Variants in MAGI1 observed in about 807,000 individuals in gnomAD.
MAGI1 encodes membrane-associated guanylate kinase, WW and PDZ domain-containing protein 1.
A neutral mutation model predicts 139.9 loss-of-function variants in MAGI1; 58 were observed. The ratio of observed to expected loss-of-function variants is 0.41; its 90% confidence interval spans 0.34 to 0.52. The LOEUF (loss-of-function observed/expected upper bound fraction) is 0.52, where lower values mean the gene tolerates loss of function less well. MAGI1 is among the 20% of genes least tolerant of loss of function. MAGI1 has a pLI of 0.12. For synonymous variants in MAGI1, 812 were observed against 737.9 expected (o/e 1.10, Z -1.63); for missense variants, 1,874 against 1,901.6 (o/e 0.99, Z 0.27).
At chr3:65,475,309 G>T (rs774993967) in intron 4 of MAGI1, among the ~76,000 whole-genome samples, 1 of 152,090 alleles carries the variant, frequency 6.6e-6, no homozygotes, top group Non-Finnish European at 1.5e-5. Flanking sequence ...TGCCTCCGGG[G>T]TTCAAGTGAT....
At chr3:65,644,928 C>T (rs35893278) in intron 1 of MAGI1, among the ~76,000 whole-genome samples, 1,650 of 149,278 alleles carry the variant, frequency 0.011, 8 homozygotes, top group Non-Finnish European at 0.018. Flanking sequence ...ACCTGGGAAG[C>T]GGAGGTTGCA....
In MAGI1 at chr3:65,416,615, T is replaced by C. The variant is rs558480230; in HGVS notation, c.2167+12905A>G. On this transcript the variant is annotated intron_variant, in intron 12 of 22. Transcript: ENST00000402939. Reference sequence around the variant, plus strand: ...TGAATGAATGAATGAATGACACTTATTGCATATGGTGAGGAACCAAAAATG... The same window carrying C: ...TGAATGAATGAATGAATGACACTTACTGCATATGGTGAGGAACCAAAAATG... Among the ~76,000 whole-genome samples, 214 of 152,288 alleles carry C rather than the reference T, an allele frequency of 1.4e-3. 11 individuals carry two copies. The South Asian group carries it at 0.043, about 30-fold the overall frequency.
chr3:65,896,012 T>C (rs1213906393), intron 1 of MAGI1, among the ~76,000 whole-genome samples: 4 of 152,126 alleles, frequency 2.6e-5, no homozygotes, highest in South Asian at 2.1e-4. Context: ...CCCACTACCA[T>C]TGCATCTCTG....
chr3:65,456,093 T>C (rs1279915579), intron 5 of MAGI1, among the ~76,000 whole-genome samples: 1 of 152,258 alleles, frequency 6.6e-6, no homozygotes, highest in African/African-American at 2.4e-5. Context: ...TCTTAGGAAC[T>C]GTTTTCTAGA....
At chr3:65,704,953 C>T (rs994570964) in intron 1 of MAGI1, among the ~76,000 whole-genome samples, 6 of 151,988 alleles carry the variant, frequency 3.9e-5, no homozygotes, top group Admixed American at 1.3e-4. Context: ...CAGACTCCTC[C>T]GCGGTTTCCT....
At chr3:65,369,215 A>G (rs2106788010) in intron 18 of MAGI1, among the ~76,000 whole-genome samples, 1 of 152,254 alleles carries the variant, frequency 6.6e-6, no homozygotes, top group Admixed American at 6.5e-5. Context: ...GGCTGTGAAA[A>G]CACTCCTGCC....
intron 1 of MAGI1, among the ~76,000 whole-genome samples, chr3:65,674,973 A>G (rs937766667): frequency 6.6e-6 from 1 of 152,134 alleles, no homozygotes; most frequent in African/African-American, 2.4e-5. Flanking sequence ...CAGACAGGAG[A>G]GAGGGCTCCA....
Position 65,477,379 on chromosome 3 carries a change from G to A in MAGI1, c.757+1213C>T, listed in dbSNP as rs1018292095. Among the ~76,000 whole-genome samples the A allele has an allele frequency of 2.0e-5, 3 of 152,270 alleles. No individual in the cohort carries two copies. In the South Asian group the frequency reaches 6.2e-4, roughly 32 times the overall value. On this transcript the variant is annotated intron_variant, in intron 4 of 22. Coordinates refer to ENST00000402939, the MANE Select transcript of MAGI1 (RefSeq NM_001033057.2). ...AGTCCACTCATCTCCACCTTCATTG[G>A]AGCTGATGCTAATCAAACAATGACC...
At chr3:65,591,128 G>A (rs1245253702) in intron 2 of MAGI1, among the ~76,000 whole-genome samples, 1 of 152,082 alleles carries the variant, frequency 6.6e-6, no homozygotes, top group Non-Finnish European at 1.5e-5. Flanking sequence ...TCATGGTACA[G>A]CAAAATTTTC....
At chr3:65,793,665 A>C (rs1053794608) in intron 1 of MAGI1, among the ~76,000 whole-genome samples, 1 of 152,216 alleles carries the variant, frequency 6.6e-6, no homozygotes, top group Non-Finnish European at 1.5e-5. Flanking sequence ...AAATGCCTGC[A>C]ACTGCTGGCC....
At chr3:65,532,756 G>C (rs2078772139) in intron 2 of MAGI1, 1 of 152,152 alleles carries the variant, frequency 6.6e-6, no homozygotes, top group Non-Finnish European at 1.5e-5. Flanking sequence ...ACTTACCTTG[G>C]AGAAGAAGAA....
chr3:65,476,656 T>C (rs1950908834), intron 4 of MAGI1, among the ~76,000 whole-genome samples: 1 of 152,210 alleles, frequency 6.6e-6, no homozygotes, highest in African/African-American at 2.4e-5. Flanking sequence ...CCCAATCTGC[T>C]TGGCAGAACT....
At chr3:65,685,997 T>G (rs777797328) in intron 1 of MAGI1, among the ~76,000 whole-genome samples, 1 of 152,186 alleles carries the variant, frequency 6.6e-6, no homozygotes, top group Non-Finnish European at 1.5e-5. Context: ...GCTGCAAATA[T>G]GGCCATAGAA....
At chr3:65,645,153 T>G (rs1222801740) in intron 1 of MAGI1, among the ~76,000 whole-genome samples, 1 of 151,624 alleles carries the variant, frequency 6.6e-6, no homozygotes, top group African/African-American at 2.4e-5. Context: ...CTTAAAGAAA[T>G]AATGACAAAA....
rs1032164534 is a variant in MAGI1, at chr3:65,856,465, G to A, written c.313+181531C>T. Among the ~76,000 whole-genome samples the A allele has an allele frequency of 6.6e-5, 10 of 152,254 alleles. No individual in the cohort carries two copies. In the East Asian group the frequency reaches 1.2e-3, roughly 18 times the overall value. Reference sequence around the variant, plus strand: ...ATAAAGTGTGACCAGAGCAAGACTCGATGAACTCAGGTATCTGATCCAATT... The same window carrying A: ...ATAAAGTGTGACCAGAGCAAGACTCAATGAACTCAGGTATCTGATCCAATT... On this transcript the variant is annotated intron_variant, in intron 1 of 22. Transcript: ENST00000402939.
chr3:65,820,783 G>A (rs545893555), intron 1 of MAGI1, among the ~76,000 whole-genome samples: 2 of 152,180 alleles, frequency 1.3e-5, no homozygotes, highest in East Asian at 3.9e-4. Context: ...TTCACTTGGG[G>A]CTTTATTTTT....
chr3:65,647,944 G>A (rs1187275224), intron 1 of MAGI1, among the ~76,000 whole-genome samples: 1 of 152,064 alleles, frequency 6.6e-6, no homozygotes, highest in Non-Finnish European at 1.5e-5. Flanking sequence ...TGGCCAAAGT[G>A]TTGGCAAAAA....
chr3:65,493,426 CCACAA>C (rs1163116585), intron 3 of MAGI1, 81 bp downstream of exon 3: 1 of 1,554,374 alleles, frequency 6.4e-7, no homozygotes, highest in African/African-American at 1.4e-5. Flanking sequence ...CCTCCAGATT[CCACAA>C]AACATTTTTG....
chr3:65,776,192 T>C (rs765589342), intron 1 of MAGI1, among the ~76,000 whole-genome samples: 6 of 151,914 alleles, frequency 3.9e-5, no homozygotes, highest in Non-Finnish European at 7.4e-5. Flanking sequence ...TAAAAATCAA[T>C]GTAGCATTCT....
Sources: allele counts gnomAD v4.1 joint callset (sites outside exome capture counted in the v4.1 genomes callset), GRCh38; gene constraint gnomAD v4.1.1; transcripts MANE v1.5; gene names NCBI Gene and HGNC (gene_info 2026-07-23, HGNC 2026-07-21).